SH3BP5: variants seen among roughly 807,000 people sequenced by gnomAD.
The protein encoded by SH3BP5 is SH3 domain binding protein 5.
Under a neutral mutation model 43.3 loss-of-function variants are expected in SH3BP5, and 22 were observed. The observed-to-expected ratio is 0.51, with a 90% CI of 0.36 to 0.73. SH3BP5 has a LOEUF of 0.73. Ranked by LOEUF, SH3BP5 falls within the 30% of genes least tolerant of loss-of-function variation. The probability of loss-of-function intolerance (pLI) is 0.00; values close to 1 mark genes in which losing one functional copy is unlikely to be tolerated. For synonymous variants in SH3BP5, 255 were observed against 225.8 expected (o/e 1.13, Z -1.16); for missense variants, 529 against 586.9 (o/e 0.90, Z 1.02).
chr3:15,285,407 C>A (rs1697237028), intron 3 of SH3BP5, among the ~76,000 whole-genome samples: 1 of 152,186 alleles, frequency 6.6e-6, no homozygotes, highest in African/African-American at 2.4e-5. Context: ...CTCAACCTCA[C>A]CCCTTCCAAG....
intron 3 of SH3BP5, among the ~76,000 whole-genome samples, chr3:15,276,543 A>G (rs1198403866): frequency 1.3e-5 from 2 of 152,196 alleles, no homozygotes; most frequent in Non-Finnish European, 2.9e-5. Flanking sequence ...GGCACCAAAG[A>G]CAAGATGGAA....
intron 2 of SH3BP5, among the ~76,000 whole-genome samples, chr3:15,325,469 T>A (rs1473001863): frequency 6.6e-6 from 1 of 152,168 alleles, no homozygotes; most frequent in Non-Finnish European, 1.5e-5. Context: ...TTGCTCACTC[T>A]CTCCAGACAA....
At chr3:15,331,951 A>C in intron 1 of SH3BP5, 1 of 276,494 alleles carries the variant, frequency 3.6e-6, no homozygotes, top group Non-Finnish European at 6.9e-6. Flanking sequence ...ACCCCCGAGG[A>C]TACCATGGCG....
chr3:15,303,105 T>C (rs1289664595), intron 3 of SH3BP5, among the ~76,000 whole-genome samples: 1 of 152,204 alleles, frequency 6.6e-6, no homozygotes, highest in African/African-American at 2.4e-5. Flanking sequence ...TGAGCCACCA[T>C]GCCCAGCCTC....
In SH3BP5 at chr3:15,258,914, C is replaced by T. The variant is rs1289820212; in HGVS notation, c.806G>A (p.Arg269Gln). 1.2e-6 allele frequency: 2 copies of T among 1,614,112 alleles called. No homozygotes were observed. Among genetic ancestry groups the T allele is most frequent in the African/African-American group, 1.3e-5 (1 of 74,950 alleles). Residue 269 changes from arginine to glutamine, a missense_variant, in exon 7 of 9, where the codon CGG (arginine) becomes CAG (glutamine). Physicochemically the swap from Arg to Gln is conservative, Grantham distance 43. Around this residue, in one of 3 missense-constraint regions of SH3BP5, gnomAD observed 369 missense variants for 384.3 expected, o/e 0.96. Coordinates refer to ENST00000383791, the MANE Select transcript of SH3BP5 (RefSeq NM_004844.5). ...ERRRSSAMGP[R>Q]GCGVGAEGSS... ...GCCCTCAGCACCAACACCGCATCCC[C>T]GAGGCCCCATGGCACTGGAGCGCCG...
chr3:15,283,804 A>G (rs1297573942), intron 3 of SH3BP5, among the ~76,000 whole-genome samples: 1 of 152,190 alleles, frequency 6.6e-6, no homozygotes, highest in East Asian at 1.9e-4. Flanking sequence ...CCCTCCCCAC[A>G]ACTCCACCTC....
chr3:15,303,675 T>C (rs942577306), intron 3 of SH3BP5, among the ~76,000 whole-genome samples: 18 of 150,024 alleles, frequency 1.2e-4, no homozygotes, highest in African/African-American at 4.2e-4. Flanking sequence ...ACAACTCACC[T>C]GCCAAATCTT....
intron 1 of SH3BP5, chr3:15,332,007 A>G (rs1698622323): frequency 4.4e-6 from 2 of 456,952 alleles, no homozygotes; most frequent in Non-Finnish European, 7.7e-6. Flanking sequence ...CCGAACCACC[A>G]GGCACGCTGC....
chr3:15,282,868 C>T (rs1458773661), intron 3 of SH3BP5, among the ~76,000 whole-genome samples: 1 of 152,028 alleles, frequency 6.6e-6, no homozygotes, highest in Non-Finnish European at 1.5e-5. Flanking sequence ...ATTGTTGACG[C>T]TGGTGATGGG....
chr3:15,274,492 T>TGTTG (rs1696908098), intron 3 of SH3BP5, among the ~76,000 whole-genome samples: 1 of 152,026 alleles, frequency 6.6e-6, no homozygotes, highest in South Asian at 2.1e-4. Context: ...ACTTTTTTTT[T>TGTTG]GTTGGTTGGT....
rs761745285 is a variant in SH3BP5, at chr3:15,304,171, C to T, written c.262G>A (p.Val88Met). Residue 88 changes from valine to methionine, a missense_variant, in exon 3 of 9, where the codon GTG (valine) becomes ATG (methionine). Around this residue, in one of 3 missense-constraint regions of SH3BP5, gnomAD observed 85 missense variants for 140.8 expected, o/e 0.60. Transcript: ENST00000383791. ...TCCACAGCTTTGCCAATTTTCTTCA[C>T]CAGTTCATCCAGTTTCACCGTTGCT... ...VEATVKLDELVKKIGKAVEDS... is the reference protein window; with the variant it reads ...VEATVKLDELMKKIGKAVEDS... 7 of 1,614,094 alleles carry T rather than the reference C, an allele frequency of 4.3e-6. No individual in the cohort carries two copies. The Admixed American group carries it at 1.2e-4, about 27-fold the overall frequency.
At chr3:15,295,956 T>C (rs999948392) in intron 3 of SH3BP5, among the ~76,000 whole-genome samples, 1 of 126,014 alleles carries the variant, frequency 7.9e-6, no homozygotes, top group Non-Finnish European at 1.9e-5. Flanking sequence ...TATAATTGAT[T>C]GTAAGAAACA....
Position 15,255,470 on chromosome 3 carries a change from A to ATGGTAGCCTTCTAGAAAATGGTTT in SH3BP5, c.*592_*615dup. 6.6e-6 allele frequency: 1 copy of ATGGTAGCCTTCTAGAAAATGGTTT among 152,592 alleles called. No homozygotes were observed. The highest frequency in any genetic ancestry group is 1.9e-4 in the East Asian group (1 of 5,168). 9.5% of individuals were successfully genotyped at this position (152,592 alleles called of 1,614,324 possible). A position where few individuals can be genotyped will look rare whatever the true frequency, so the allele number is the denominator to read the frequency against. On this transcript the variant is annotated 3_prime_UTR_variant, in exon 9 of 9. Transcript: ENST00000383791. ...TTTCCCACCCCAAAAAGTGCAGCTC[A>ATGGTAGCCTTCTAGAAAATGGTTT]TGGTAGCCTTCTAGAAAATGGTTTT...
intron 5 of SH3BP5, among the ~76,000 whole-genome samples, chr3:15,261,685 T>G (rs1696444838): frequency 7.0e-6 from 1 of 142,456 alleles, no homozygotes; most frequent in Admixed American, 6.7e-5. Flanking sequence ...AGGGCTGTAG[T>G]GAGAAGAGAT....
Position 15,309,193 on chromosome 3 carries a change from C to G in SH3BP5, c.202-4962G>C, listed in dbSNP as rs566646214. 1.0e-3 allele frequency among the ~76,000 whole-genome samples: 156 copies of G among 152,238 alleles called. 2 individuals are homozygous for G. Among genetic ancestry groups the G allele is most frequent in the Non-Finnish European group, 1.5e-3 (101 of 68,026 alleles). Reference sequence around the variant, plus strand: ...ACTACTTGGTCATAGAAATAAATACCTCCATCAGCTAAAATACATTAAACT... The same window carrying G: ...ACTACTTGGTCATAGAAATAAATACGTCCATCAGCTAAAATACATTAAACT... On this transcript the variant is annotated intron_variant, in intron 2 of 8. Transcript: ENST00000383791.
At chr3:15,315,199 GC>G (rs11325388) in intron 2 of SH3BP5, among the ~76,000 whole-genome samples, 152,082 of 152,082 alleles carry the variant, frequency 1, 76,041 homozygotes, top group Non-Finnish European at 1. Flanking sequence ...CACCAAGACT[GC>G]CCAGGGCCAA....
At chr3:15,327,259 G>T (rs1698487901) in intron 2 of SH3BP5, among the ~76,000 whole-genome samples, 1 of 152,074 alleles carries the variant, frequency 6.6e-6, no homozygotes, top group African/African-American at 2.4e-5. Context: ...AATTAGCCAG[G>T]CATGGTGGCG....
At chr3:15,294,978 C>T (rs943864004) in intron 3 of SH3BP5, among the ~76,000 whole-genome samples, 2 of 152,136 alleles carry the variant, frequency 1.3e-5, no homozygotes, top group African/African-American at 2.4e-5. Flanking sequence ...GATCTCTGCT[C>T]TTCTGTCTTT....
chr3:15,262,801 T>C (rs1234757671), intron 4 of SH3BP5, among the ~76,000 whole-genome samples: 2 of 151,778 alleles, frequency 1.3e-5, no homozygotes, highest in East Asian at 1.9e-4. Flanking sequence ...CTACTAAAAA[T>C]ATAAACATTT....
Sources: allele counts gnomAD v4.1 joint callset (sites outside exome capture counted in the v4.1 genomes callset), GRCh38; gene constraint gnomAD v4.1.1; regional missense constraint gnomAD v4.1.1; transcripts MANE v1.5; gene names NCBI Gene and HGNC (gene_info 2026-07-23, HGNC 2026-07-21).